FBXO11: variants seen among roughly 807,000 people sequenced by gnomAD.
FBXO11 encodes the protein F-box only protein 11.
A neutral mutation model predicts 117.0 loss-of-function variants in FBXO11; 13 were observed. That is an observed-to-expected ratio of 0.11 (90% CI 0.07 to 0.18). The LOEUF is 0.18. Among genes scored for constraint, FBXO11 ranks in the 10% least tolerant of loss-of-function variants. FBXO11 has a pLI of 1.00. For missense variants in FBXO11, 767 were observed against 1,164.4 expected (o/e 0.66, Z 4.97); for synonymous variants, 490 against 380.5 (o/e 1.29, Z -3.35).
At chr2:47,835,282 C>G (rs368029051) in intron 5 of FBXO11, among the ~76,000 whole-genome samples, 3 of 152,116 alleles carry the variant, frequency 2.0e-5, no homozygotes, top group African/African-American at 7.2e-5. Context: ...GACTCACTCA[C>G]GAAGGGCCGT....
intron 1 of FBXO11, among the ~76,000 whole-genome samples, chr2:47,882,654 T>C (rs1676518793): frequency 6.6e-6 from 1 of 152,198 alleles, no homozygotes; most frequent in African/African-American, 2.4e-5. Flanking sequence ...CATCTGTATT[T>C]CTGTACTATT....
At chr2:47,834,893 A>G (rs1286164016) in intron 5 of FBXO11, 22 bp from the exon 6 acceptor site, 6 of 1,553,828 alleles carry the variant, frequency 3.9e-6, no homozygotes, top group Non-Finnish European at 5.3e-6. Context: ...AAAACAAAAC[A>G]AAACCATTGA....
At chr2:47,890,802 T>TAAA (rs1677201392) in intron 1 of FBXO11, among the ~76,000 whole-genome samples, 1 of 143,014 alleles carries the variant, frequency 7.0e-6, no homozygotes, top group Non-Finnish European at 1.6e-5. Context: ...AGACCCTGTC[T>TAAA]AAAAAAAAGA....
At chr2:47,871,144 T>G (rs77562694) in intron 1 of FBXO11, among the ~76,000 whole-genome samples, 8,388 of 152,138 alleles carry the variant, frequency 0.055, 246 homozygotes, top group Non-Finnish European at 0.069. Flanking sequence ...TTTGGGAGAG[T>G]AGGTGATAAA....
intron 1 of FBXO11, among the ~76,000 whole-genome samples, chr2:47,847,276 A>C (rs1222362958): frequency 6.6e-6 from 1 of 152,258 alleles, no homozygotes; most frequent in South Asian, 2.1e-4. Flanking sequence ...TTAAGCACTT[A>C]GGCTATAATG....
intron 1 of FBXO11, among the ~76,000 whole-genome samples, chr2:47,878,936 G>A (rs553113288): frequency 3.3e-5 from 5 of 152,044 alleles, no homozygotes; most frequent in Non-Finnish European, 5.9e-5. Flanking sequence ...CTGAGATCAC[G>A]CCACTGCACT....
At chr2:47,835,274 C>T (rs757425193) in intron 5 of FBXO11, among the ~76,000 whole-genome samples, 5 of 152,184 alleles carry the variant, frequency 3.3e-5, no homozygotes, top group African/African-American at 4.8e-5. Context: ...CCAGCTGAGA[C>T]TCACTCACGA....
rs1439685072 is a variant in FBXO11 at position 47,839,435 on chromosome 2, T to C, written c.426A>G (p.Lys142=). The C allele has an allele frequency of 6.2e-7, 1 of 1,613,130 alleles. No homozygotes were observed. The highest frequency in any genetic ancestry group is 8.5e-7 in the Non-Finnish European group (1 of 1,179,790). The change falls in exon 3 of 23, where the codon AAA becomes AAG. Residue 142 remains lysine (K), a synonymous_variant. Transcript: ENST00000403359. ...HRAKRARVSG[K]SQDLSAAPAE... ...AGGAAATACCTGATAGATCTTGTGA[T>C]TTTCCAGACACTCTTGCACGTTTTG... is the stretch of plus-strand genomic sequence containing the variant.
intron 1 of FBXO11, among the ~76,000 whole-genome samples, chr2:47,862,331 C>T (rs1309797830): frequency 6.6e-6 from 1 of 152,068 alleles, no homozygotes; most frequent in Non-Finnish European, 1.5e-5. Context: ...GGGTTGAAAG[C>T]CATTGGGACT....
chr2:47,852,646 C>G (rs558701749), intron 1 of FBXO11, among the ~76,000 whole-genome samples: 1 of 152,190 alleles, frequency 6.6e-6, no homozygotes, highest in Non-Finnish European at 1.5e-5. Context: ...TTTATTGTAT[C>G]AATACAAATG....
chr2:47,810,588 T>C (rs1317171865), intron 18 of FBXO11, 162 bp from the exon 19 acceptor site: 1 of 520,452 alleles, frequency 1.9e-6, no homozygotes, highest in African/African-American at 2.0e-5. Context: ...TTCAGAGGTA[T>C]TAAGGATCTA....
At chr2:47,870,139 C>G (rs978058747) in intron 1 of FBXO11, among the ~76,000 whole-genome samples, 1 of 152,334 alleles carries the variant, frequency 6.6e-6, no homozygotes, top group African/African-American at 2.4e-5. Context: ...ACCATCAGCT[C>G]TCCTGAGTGT....
intron 1 of FBXO11, among the ~76,000 whole-genome samples, chr2:47,903,517 C>T (rs1318825516): frequency 6.6e-6 from 1 of 152,126 alleles, no homozygotes; most frequent in Non-Finnish European, 1.5e-5. Context: ...GAAAATAGAC[C>T]TCAGTAGCTA....
chr2:47,833,280 TA>T (rs2104813632), intron 7 of FBXO11, among the ~76,000 whole-genome samples: 1 of 152,280 alleles, frequency 6.6e-6, no homozygotes, highest in Admixed American at 6.5e-5. Context: ...ATACTATGAA[TA>T]TAAAATGCAA....
chr2:47,864,313 C>A (rs1214524909), intron 1 of FBXO11, among the ~76,000 whole-genome samples: 1 of 152,086 alleles, frequency 6.6e-6, no homozygotes, highest in African/African-American at 2.4e-5. Context: ...ATTGGCTGGG[C>A]GTGGTGGCTC....
At chr2:47,900,662 ACG>A (rs1678096782) in intron 1 of FBXO11, among the ~76,000 whole-genome samples, 4 of 78,296 alleles carry the variant, frequency 5.1e-5, no homozygotes, top group East Asian at 1.3e-3. Context: ...GTATACACAC[ACG>A]TACGTATATA....
intron 1 of FBXO11, among the ~76,000 whole-genome samples, chr2:47,901,176 T>G (rs957887112): frequency 1.4e-5 from 2 of 141,536 alleles, no homozygotes; most frequent in Non-Finnish European, 3.1e-5. Context: ...TATATGTATA[T>G]ATATGTGGGT....
intron 7 of FBXO11, 67 bp downstream of exon 7, chr2:47,834,512 T>A (rs1672414933): frequency 7.9e-7 from 1 of 1,261,438 alleles, no homozygotes; most frequent in South Asian, 1.8e-5. Flanking sequence ...GTCACTAGCA[T>A]TTTTAAAATC....
rs1278861782 is a variant in FBXO11, at chr2:47,877,263, G to C, written c.232+28226C>G. On this transcript the variant is annotated intron_variant, in intron 1 of 22. Transcript: ENST00000403359. ...CACTGGTAATTTTGGTTCTTTTATG[G>C]CAATTATTCCTTCCTTTACCTCCCT... Among the ~76,000 whole-genome samples the C allele has an allele frequency of 4.0e-5, 6 of 151,826 alleles. No homozygotes were observed. In the East Asian group the frequency reaches 9.6e-4, roughly 24 times the overall value.
Sources: allele counts gnomAD v4.1 joint callset (sites outside exome capture counted in the v4.1 genomes callset), GRCh38; gene constraint gnomAD v4.1.1; transcripts MANE v1.5; gene names NCBI Gene and HGNC (gene_info 2026-07-23, HGNC 2026-07-21).